USP49: variants seen among roughly 807,000 people sequenced by gnomAD.
USP49 encodes the protein ubiquitin carboxyl-terminal hydrolase 49.
USP49 carries 24 observed loss-of-function variants against 58.6 expected under a neutral mutation model. That is an observed-to-expected ratio of 0.41 (90% CI 0.30 to 0.58). The LOEUF is 0.58. USP49 is among the 20% of genes least tolerant of loss of function. The probability of loss-of-function intolerance (pLI) is 0.30; values close to 1 mark genes in which losing one functional copy is unlikely to be tolerated. For missense variants in USP49, 703 were observed against 866.1 expected, an observed-to-expected ratio of 0.81 and a Z score of 2.36; for synonymous variants, 408 against 365.1, an observed-to-expected ratio of 1.12 and a Z score of -1.34.
intron 3 of USP49, among the ~76,000 whole-genome samples, chr6:41,821,745 G>T (rs1773456687): frequency 6.6e-6 from 1 of 152,162 alleles, no homozygotes; most frequent in South Asian, 2.1e-4. Flanking sequence ...CTGCACTCCT[G>T]ATTTTTTAAC....
rs565713762 is a variant in USP49 at position 41,859,125 on chromosome 6, T to C, written c.-29+12439A>G. ...CTGCATTCAGCCTAAAACCCAAATA[T>C]GTCATTCTCACTGCCTTGGGGAGAA... On this transcript the variant is annotated intron_variant, in intron 3 of 7. Coordinates refer to ENST00000682992, the MANE Select transcript of USP49 (RefSeq NM_001286554.2). 5.9e-5 allele frequency among the ~76,000 whole-genome samples: 9 copies of C among 152,302 alleles called. 1 individual carries two copies. In the South Asian group the frequency reaches 1.9e-3, roughly 32 times the overall value.
rs144725165 is a variant in USP49, at chr6:41,850,358, G to A, written c.-29+21206C>T. ...CTCGGGAGGCTGAGGCAGGAGAATC[G>A]CTTGAACCTGGGAGGCAGAGGTTGC... On this transcript the variant is annotated intron_variant, in intron 3 of 7. Coordinates refer to ENST00000682992, the MANE Select transcript of USP49 (RefSeq NM_001286554.2). Among the ~76,000 whole-genome samples the A allele has an allele frequency of 8.4e-3, 1,272 of 151,564 alleles. 22 individuals carry two copies. The highest frequency in any genetic ancestry group is 0.029 in the African/African-American group (1,202 of 41,354).
At chr6:41,882,608 G>T (rs1774629370) in intron 2 of USP49, among the ~76,000 whole-genome samples, 1 of 144,194 alleles carries the variant, frequency 6.9e-6, no homozygotes, top group Admixed American at 6.9e-5. Context: ...TCAAAATCAA[G>T]AATTTCCATT....
chr6:41,808,700 A>T (rs1349590256), intron 3 of USP49, among the ~76,000 whole-genome samples: 1 of 151,824 alleles, frequency 6.6e-6, no homozygotes. Flanking sequence ...GTGAGCCAAC[A>T]CGCCAGGCTG....
At chr6:41,828,708 T>C (rs953233863) in intron 3 of USP49, among the ~76,000 whole-genome samples, 8 of 152,304 alleles carry the variant, frequency 5.3e-5, no homozygotes, top group African/African-American at 1.9e-4. Flanking sequence ...ATACATAAGA[T>C]TTACAGTTAA....
At chr6:41,890,657 G>C (rs548445073) in intron 2 of USP49, among the ~76,000 whole-genome samples, 1 of 152,072 alleles carries the variant, frequency 6.6e-6, no homozygotes, top group Non-Finnish European at 1.5e-5. Context: ...GGGCAAAAGA[G>C]CAAGATTCTG....
chr6:41,850,217 C>T (rs1774001561), intron 3 of USP49, among the ~76,000 whole-genome samples: 1 of 151,874 alleles, frequency 6.6e-6, no homozygotes, highest in Non-Finnish European at 1.5e-5. Flanking sequence ...CCAAGGTGGG[C>T]GGATCACCTG....
At position 41,851,330 on chromosome 6, in the gene USP49, A is replaced by G. The variant is rs9471677; in HGVS notation, c.-29+20234T>C. Among the ~76,000 whole-genome samples the G allele has an allele frequency of 6.3e-3, 953 of 152,348 alleles. 8 individuals carry two copies. Among genetic ancestry groups the G allele is most frequent in the African/African-American group, 0.02 (832 of 41,584 alleles). On this transcript the variant is annotated intron_variant, in intron 3 of 7. Coordinates refer to ENST00000682992, the MANE Select transcript of USP49 (RefSeq NM_001286554.2). ...TTCTGGAATGCATGTATGATTCAACATATGAATATCAATCAATGTAACACA... is the reference window on the plus strand; with the variant it reads ...TTCTGGAATGCATGTATGATTCAACGTATGAATATCAATCAATGTAACACA...
intron 5 of USP49, among the ~76,000 whole-genome samples, chr6:41,800,957 A>G (rs1054867827): frequency 1.3e-5 from 2 of 152,244 alleles, no homozygotes; most frequent in African/African-American, 4.8e-5. Context: ...TCTACTCCAA[A>G]GCAGAACCAG....
rs1473358335 is a variant in USP49, at chr6:41,790,662, T to C, written c.*5871A>G. On this transcript the variant is annotated 3_prime_UTR_variant, in exon 8 of 8. Coordinates refer to ENST00000682992, the MANE Select transcript of USP49 (RefSeq NM_001286554.2). ...ATGTCTCTAGCAGTTTGTTCACTAC[T>C]AAAGTTAAACAGGACAAAATAGTCT... 1.3e-5 allele frequency: 2 copies of C among 152,228 alleles called. No homozygotes were observed. The highest frequency in any genetic ancestry group is 6.5e-5 in the Admixed American group (1 of 15,288). The allele number at this position is 152,228 out of a possible 1,614,324, so 9.4% of individuals were successfully genotyped here.
chr6:41,879,428 G>T (rs1774564689), intron 2 of USP49, among the ~76,000 whole-genome samples: 1 of 151,932 alleles, frequency 6.6e-6, no homozygotes, highest in Non-Finnish European at 1.5e-5. Context: ...TAGAGACGGA[G>T]GGTCTTTCTA....
chr6:41,801,312 G>C (rs1251130856), intron 5 of USP49, among the ~76,000 whole-genome samples: 1 of 152,098 alleles, frequency 6.6e-6, no homozygotes, highest in Non-Finnish European at 1.5e-5. Context: ...AGAGCAGCTG[G>C]GCATCTGATT....
intron 3 of USP49, among the ~76,000 whole-genome samples, chr6:41,849,311 A>G (rs1773979373): frequency 6.6e-6 from 1 of 152,214 alleles, no homozygotes; most frequent in African/African-American, 2.4e-5. Flanking sequence ...AAATAAACTT[A>G]GACAGAATTG....
Position 41,794,109 on chromosome 6 carries a change from A to G in USP49, c.*2424T>C, listed in dbSNP as rs1408105248. 1 of 152,274 alleles carries G rather than the reference A, an allele frequency of 6.6e-6. No homozygotes were observed. Among genetic ancestry groups the G allele is most frequent in the East Asian group, 1.9e-4 (1 of 5,202 alleles). The allele number at this position is 152,274 out of a possible 1,614,324, so 9.4% of individuals were successfully genotyped here. The stretch of plus-strand genomic sequence containing the variant: ...ATGCAGCAGGGAACTCTTCTTTAAT[A>G]AAAATCTCCTTAAATACTAACGTCC... On this transcript the variant is annotated 3_prime_UTR_variant, in exon 8 of 8. Transcript: ENST00000682992.
intron 3 of USP49, among the ~76,000 whole-genome samples, chr6:41,842,436 T>C (rs529486104): frequency 2.6e-5 from 4 of 152,284 alleles, no homozygotes; most frequent in African/African-American, 7.2e-5. Context: ...CCAGTATTAT[T>C]TGTGCCAAAC....
intron 3 of USP49, among the ~76,000 whole-genome samples, chr6:41,859,579 G>A (rs748175995): frequency 2.6e-5 from 4 of 152,088 alleles, no homozygotes; most frequent in Non-Finnish European, 5.9e-5. Context: ...AAGACATCGT[G>A]CCGAGAACAG....
At chr6:41,817,457 CTTTTTTTTT>C (rs58559695) in intron 3 of USP49, among the ~76,000 whole-genome samples, 18 of 74,812 alleles carry the variant, frequency 2.4e-4, no homozygotes, top group Admixed American at 1.3e-3. Flanking sequence ...TTCTTTCTTT[CTTTTTTTTT>C]TTTTTTTTTT....
intron 3 of USP49, among the ~76,000 whole-genome samples, chr6:41,834,711 C>T (rs1024371480): frequency 4.6e-5 from 7 of 152,302 alleles, no homozygotes; most frequent in African/African-American, 9.6e-5. Context: ...CTTCACCTTC[C>T]GCCATGATTG....
chr6:41,881,191 C>G (rs2127363129), intron 2 of USP49, among the ~76,000 whole-genome samples: 1 of 148,772 alleles, frequency 6.7e-6, no homozygotes, highest in East Asian at 2.0e-4. Context: ...CTCGGCCTCC[C>G]AAAGTGCTGA....
Sources: gnomAD v4.1 joint callset for allele counts (sites outside exome capture counted in the v4.1 genomes callset) on GRCh38, gnomAD v4.1.1 for gene constraint, MANE v1.5 for transcripts, NCBI Gene and HGNC (gene_info 2026-07-23, HGNC 2026-07-21) for gene names.